The following EIF4G3 variants were observed in gnomAD, a reference collection of about 807,000 sequenced individuals.
The protein encoded by EIF4G3 is eIF-4-gamma 3.
A neutral mutation model predicts 186.4 loss-of-function variants in EIF4G3; 34 were observed. That is an observed-to-expected ratio of 0.18 (90% CI 0.14 to 0.24). EIF4G3 has a LOEUF of 0.24. Among genes scored for constraint, EIF4G3 ranks in the 10% least tolerant of loss-of-function variants. The pLI is 1.00. For synonymous variants in EIF4G3, 673 were observed against 679.5 expected, an observed-to-expected ratio of 0.99 and a Z score of 0.15; for missense variants, 1,536 against 1,948.5, an observed-to-expected ratio of 0.79 and a Z score of 3.99.
rs748202237 is a variant in EIF4G3, at chr1:20,865,159, T to G, written c.2726A>C (p.Asp909Ala). The G allele has an allele frequency of 1.1e-5, 18 of 1,614,142 alleles. No individual in the cohort carries two copies. The South Asian group carries it at 2.0e-4, about 18-fold the overall frequency. The change falls in exon 21 of 37, where the codon GAT (aspartate) becomes GCT (alanine). Residue 909 changes from aspartate to alanine, a missense_variant. Transcript: ENST00000602326. ...KEFEKDKADD[D>A]VFEKKQKELE... ...TTCTTTCTGCTTCTTCTCAAAGACA[T>G]CATCATCTGCTTTATCTTTTTCAAA... is the stretch of plus-strand genomic sequence containing the variant.
At chr1:20,949,425 T>C (rs2096108983) in intron 13 of EIF4G3, among the ~76,000 whole-genome samples, 1 of 152,218 alleles carries the variant, frequency 6.6e-6, no homozygotes, top group Non-Finnish European at 1.5e-5. Context: ...GTGATAGGCA[T>C]GTTCCCACAG....
At chr1:20,967,252 A>G (rs1472870393) in intron 12 of EIF4G3, among the ~76,000 whole-genome samples, 2 of 152,230 alleles carry the variant, frequency 1.3e-5, no homozygotes, top group Non-Finnish European at 2.9e-5. Context: ...GAGAATTTAA[A>G]CAGAAATCAA....
intron 4 of EIF4G3, among the ~76,000 whole-genome samples, chr1:21,019,618 A>C (rs1351138133): frequency 6.6e-6 from 1 of 152,250 alleles, no homozygotes; most frequent in Non-Finnish European, 1.5e-5. Flanking sequence ...AGAGCAAGAG[A>C]AGTTATTTAA....
chr1:20,908,567 A>G (rs2092660669), intron 14 of EIF4G3, among the ~76,000 whole-genome samples: 1 of 152,162 alleles, frequency 6.6e-6, no homozygotes, highest in African/African-American at 2.4e-5. Context: ...TTTCAAAAAG[A>G]GCGCACCTTA....
chr1:20,816,682 GC>G, intron 34 of EIF4G3, among the ~76,000 whole-genome samples: 1 of 110,514 alleles, frequency 9.0e-6, no homozygotes, highest in Non-Finnish European at 1.9e-5. Context: ...CTTCTGCCCG[GC>G]CGCCCCTACT....
chr1:21,016,954 C>T (rs1051486819), intron 4 of EIF4G3, among the ~76,000 whole-genome samples: 5 of 151,922 alleles, frequency 3.3e-5, no homozygotes, highest in Admixed American at 2.0e-4. Context: ...GGTGACAGAG[C>T]GAGACTCTCA....
chr1:20,958,522 C>T (rs945259841), intron 12 of EIF4G3, among the ~76,000 whole-genome samples: 2 of 152,080 alleles, frequency 1.3e-5, no homozygotes, highest in African/African-American at 4.8e-5. Flanking sequence ...CACCTCTATT[C>T]AACATAGTTT....
intron 3 of EIF4G3, among the ~76,000 whole-genome samples, chr1:21,051,610 G>C (rs1235536489): frequency 6.6e-6 from 1 of 152,174 alleles, no homozygotes; most frequent in African/African-American, 2.4e-5. Flanking sequence ...CCAGCACTTT[G>C]GGAGGCCAAC....
At chr1:20,835,922 G>A (rs2066619809) in intron 30 of EIF4G3, among the ~76,000 whole-genome samples, 1 of 150,758 alleles carries the variant, frequency 6.6e-6, no homozygotes, top group Non-Finnish European at 1.5e-5. Context: ...GGGTGACAGA[G>A]CAAGACCCTA....
intron 35 of EIF4G3, among the ~76,000 whole-genome samples, chr1:20,811,336 C>A (rs1046609708): frequency 3.3e-5 from 5 of 152,210 alleles, no homozygotes; most frequent in Middle Eastern, 3.4e-3. Flanking sequence ...TGGTCTTGAA[C>A]TCTTGGGCTC....
At chr1:21,157,305 T>C (rs2097679464) in intron 2 of EIF4G3, among the ~76,000 whole-genome samples, 1 of 152,108 alleles carries the variant, frequency 6.6e-6, no homozygotes, top group Admixed American at 6.6e-5. Context: ...TAGTCCTCAC[T>C]GACTTTCAAG....
chr1:20,858,716 G>T (rs1459550673), intron 24 of EIF4G3, among the ~76,000 whole-genome samples: 1 of 152,270 alleles, frequency 6.6e-6, no homozygotes, highest in Non-Finnish European at 1.5e-5. Context: ...CTGAATGAGG[G>T]CCGTGTGCGG....
intron 14 of EIF4G3, among the ~76,000 whole-genome samples, chr1:20,918,389 T>C (rs1354682135): frequency 1.3e-5 from 2 of 152,064 alleles, no homozygotes; most frequent in African/African-American, 4.8e-5. Flanking sequence ...TTTGTTTTTT[T>C]GTACAGATGG....
intron 12 of EIF4G3, 67 bp from the exon 13 acceptor site, chr1:20,950,178 C>T (rs1427007483): frequency 3.3e-6 from 4 of 1,218,692 alleles, no homozygotes; most frequent in Non-Finnish European, 4.5e-6. Flanking sequence ...AACATGGAAC[C>T]CAAGCAAGTA....
intron 3 of EIF4G3, among the ~76,000 whole-genome samples, chr1:21,070,304 A>C (rs1299040450): frequency 6.6e-6 from 1 of 152,188 alleles, no homozygotes; most frequent in Non-Finnish European, 1.5e-5. Context: ...TTGTTAAAAA[A>C]AAGAAAAAGT....
At chr1:20,816,202 A>G (rs2060781424) in intron 34 of EIF4G3, among the ~76,000 whole-genome samples, 1 of 84,018 alleles carries the variant, frequency 1.2e-5, no homozygotes, top group Admixed American at 1.1e-4. Context: ...CTGCCCGGCC[A>G]GCCGCCCCGT....
intron 14 of EIF4G3, among the ~76,000 whole-genome samples, chr1:20,913,456 T>C (rs1471706318): frequency 6.6e-6 from 1 of 152,162 alleles, no homozygotes; most frequent in Non-Finnish European, 1.5e-5. Context: ...GAGGATTGCT[T>C]GAGCCCAAGG....
At chr1:20,959,089 G>A (rs1257354732) in intron 12 of EIF4G3, among the ~76,000 whole-genome samples, 1 of 151,982 alleles carries the variant, frequency 6.6e-6, no homozygotes, top group Non-Finnish European at 1.5e-5. Context: ...AGTAGCCAAA[G>A]CAATCCTAGG....
intron 2 of EIF4G3, among the ~76,000 whole-genome samples, chr1:21,146,031 G>A (rs777669506): frequency 1.3e-5 from 2 of 152,090 alleles, no homozygotes; most frequent in Non-Finnish European, 2.9e-5. Context: ...GGAGTTCGAG[G>A]CTGTAGTGAG....
Sources: gnomAD v4.1 joint callset for allele counts (sites outside exome capture counted in the v4.1 genomes callset) on GRCh38, gnomAD v4.1.1 for gene constraint, MANE v1.5 for transcripts, NCBI Gene and HGNC (gene_info 2026-07-23, HGNC 2026-07-21) for gene names.